Variants in ROBO1 observed in about 807,000 individuals in gnomAD.
The protein encoded by ROBO1 is roundabout homolog 1.
A neutral mutation model predicts 195.9 loss-of-function variants in ROBO1; 149 were observed. The ratio of observed to expected loss-of-function variants is 0.76; its 90% CI spans 0.67 to 0.87. ROBO1 has a LOEUF of 0.87. ROBO1 is among the 40% of genes least tolerant of loss of function. The pLI is 0.00. For synonymous variants in ROBO1, 816 were observed against 733.2 expected (o/e 1.11, Z -1.82); for missense variants, 1,933 against 2,068.3 (o/e 0.93, Z 1.27).
chr3:79,438,535 T>A (rs2038957425), intron 2 of ROBO1, among the ~76,000 whole-genome samples: 1 of 152,034 alleles, frequency 6.6e-6, no homozygotes, highest in Non-Finnish European at 1.5e-5. Flanking sequence ...ACAGAATAAA[T>A]TATTCTGGCA....
chr3:79,079,428 C>T (rs1470292215), intron 3 of ROBO1, among the ~76,000 whole-genome samples: 1 of 151,568 alleles, frequency 6.6e-6, no homozygotes, highest in Non-Finnish European at 1.5e-5. Flanking sequence ...CTCATAAGGC[C>T]ATTATAAAAC....
chr3:79,429,883 C>A (rs1390340508), intron 2 of ROBO1, among the ~76,000 whole-genome samples: 1 of 151,794 alleles, frequency 6.6e-6, no homozygotes, highest in East Asian at 1.9e-4. Flanking sequence ...TTTATTTTTT[C>A]TTCTTAAATA....
intron 1 of ROBO1, among the ~76,000 whole-genome samples, chr3:79,648,905 T>C (rs1388935133): frequency 6.6e-6 from 1 of 152,150 alleles, no homozygotes; most frequent in Non-Finnish European, 1.5e-5. Flanking sequence ...AGAAAGCATG[T>C]GACAATGAAT....
chr3:79,367,798 G>A (rs373333358), intron 2 of ROBO1, among the ~76,000 whole-genome samples: 7 of 152,164 alleles, frequency 4.6e-5, no homozygotes, highest in Middle Eastern at 3.4e-3. Flanking sequence ...TACGAGTTTC[G>A]TAGCTTAATA....
At chr3:79,640,889 C>T (rs1367809471) in intron 1 of ROBO1, among the ~76,000 whole-genome samples, 2 of 152,088 alleles carry the variant, frequency 1.3e-5, no homozygotes, top group Non-Finnish European at 2.9e-5. Context: ...TACAGTTCCC[C>T]CAGGATACAA....
At chr3:78,994,111 C>T (rs546019243) in intron 3 of ROBO1, among the ~76,000 whole-genome samples, 13 of 152,222 alleles carry the variant, frequency 8.5e-5, no homozygotes, top group African/African-American at 3.1e-4. Context: ...GACTTTATTT[C>T]TCATCTGCCT....
chr3:78,839,360 G>A lies in ROBO1; in HGVS notation c.500-92460C>T, dbSNP rs139459366. 7.8e-3 allele frequency among the ~76,000 whole-genome samples: 1,182 copies of A among 151,932 alleles called. 11 individuals carry two copies. Among genetic ancestry groups the A allele is most frequent in the African/African-American group, 0.027 (1,126 of 41,442 alleles). ...GATGTAATGATGTATAGTGATGATA[G>A]GTGGCCTTCCCTAGTCCAGAAACTT... is the stretch of plus-strand genomic sequence containing the variant. On this transcript the variant is annotated intron_variant, in intron 4 of 30. Transcript: ENST00000464233.
intron 4 of ROBO1, among the ~76,000 whole-genome samples, chr3:78,901,585 T>G (rs560961973): frequency 6.6e-6 from 1 of 152,310 alleles, no homozygotes; most frequent in East Asian, 1.9e-4. Flanking sequence ...GTCAGAAAGC[T>G]TTTAAAATTA....
At chr3:79,446,004 T>C (rs2039242373) in intron 2 of ROBO1, among the ~76,000 whole-genome samples, 1 of 152,056 alleles carries the variant, frequency 6.6e-6, no homozygotes, top group African/African-American at 2.4e-5. Context: ...CACTCTGTCA[T>C]CCAGGCTGGT....
chr3:79,676,556 G>C (rs542335371), intron 1 of ROBO1, among the ~76,000 whole-genome samples: 3 of 152,134 alleles, frequency 2.0e-5, no homozygotes, highest in Admixed American at 1.3e-4. Context: ...GGTTTCTTAA[G>C]AGTTTCTCGG....
chr3:79,503,365 C>G (rs1459520390), intron 2 of ROBO1, among the ~76,000 whole-genome samples: 1 of 152,178 alleles, frequency 6.6e-6, no homozygotes, highest in Admixed American at 6.5e-5. Context: ...GACACGCCAC[C>G]TTTAAGAACT....
chr3:78,676,434 T>G (rs1301388463), intron 10 of ROBO1, among the ~76,000 whole-genome samples: 2 of 152,058 alleles, frequency 1.3e-5, no homozygotes, highest in Non-Finnish European at 2.9e-5. Context: ...TTAAAAAAAT[T>G]TAGACGAATG....
intron 2 of ROBO1, among the ~76,000 whole-genome samples, chr3:79,441,972 A>G (rs1234592525): frequency 6.6e-6 from 1 of 152,086 alleles, no homozygotes; most frequent in African/African-American, 2.4e-5. Context: ...AGTTATATTG[A>G]TTTCTGTGAC....
chr3:78,867,712 A>T (rs990689066), intron 4 of ROBO1, among the ~76,000 whole-genome samples: 2 of 152,170 alleles, frequency 1.3e-5, no homozygotes, highest in African/African-American at 2.4e-5. Context: ...GTTGAAACCA[A>T]ATAACCCAGT....
In ROBO1 at chr3:78,843,126, G is replaced by T. The variant is rs146255104; in HGVS notation, c.499+95475C>A. 7.8e-3 allele frequency among the ~76,000 whole-genome samples: 1,186 copies of T among 152,166 alleles called. 11 individuals are homozygous for T. Among genetic ancestry groups the T allele is most frequent in the African/African-American group, 0.027 (1,127 of 41,548 alleles). Reference sequence around the variant, plus strand: ...TTATGTGCTTAAAATTTATCTGGAAGAATTTTTTTAAAACTAGTAATTTGG... The same window carrying T: ...TTATGTGCTTAAAATTTATCTGGAATAATTTTTTTAAAACTAGTAATTTGG... On this transcript the variant is annotated intron_variant, in intron 4 of 30. Coordinates refer to ENST00000464233, the MANE Select transcript of ROBO1 (RefSeq NM_002941.4).
intron 2 of ROBO1, among the ~76,000 whole-genome samples, chr3:79,334,311 A>AAAATAT (rs1553721943): frequency 2.3e-5 from 3 of 131,754 alleles, no homozygotes; most frequent in East Asian, 4.3e-4. Flanking sequence ...AAAAAAAAAA[A>AAAATAT]ATATATATAT....
intron 3 of ROBO1, among the ~76,000 whole-genome samples, chr3:78,946,049 G>A (rs1246450176): frequency 6.6e-6 from 1 of 152,144 alleles, no homozygotes; most frequent in Non-Finnish European, 1.5e-5. Context: ...CGTCTGATTG[G>A]TGTACCTGAA....
rs1196066171 is a variant in ROBO1 at position 79,260,695 on chromosome 3, C to T, written c.89-135156G>A. 2.0e-5 allele frequency among the ~76,000 whole-genome samples: 3 copies of T among 152,184 alleles called. No individual in the cohort carries two copies. The East Asian group carries it at 5.8e-4, about 29-fold the overall frequency. ...GCTGTTCAATGGGATGAGTCTGCCA[C>T]TTGAGCAGGATAAAAGCCAATGCTG... On this transcript the variant is annotated intron_variant, in intron 2 of 30. Transcript: ENST00000464233.
At chr3:78,814,356 A>T (rs2084836607) in intron 4 of ROBO1, among the ~76,000 whole-genome samples, 2 of 152,092 alleles carry the variant, frequency 1.3e-5, no homozygotes, top group Admixed American at 6.6e-5. Context: ...TGTAATCAAT[A>T]ATAAAAATTG....
Sources: allele counts gnomAD v4.1 joint callset (sites outside exome capture counted in the v4.1 genomes callset), GRCh38; gene constraint gnomAD v4.1.1; transcripts MANE v1.5; gene names NCBI Gene and HGNC (gene_info 2026-07-23, HGNC 2026-07-21).